The following NPHS2 variants were observed in gnomAD, a reference collection of about 807,000 sequenced individuals.
NPHS2 encodes NPHS2 stomatin family member, podocin.
NPHS2 carries 36 observed loss-of-function variants against 37.1 expected under a neutral mutation model. The observed-to-expected ratio is 0.97, with a 90% CI of 0.74 to 1.28. The LOEUF (loss-of-function observed/expected upper bound fraction) is 1.28. NPHS2 is among the 50% of genes most tolerant of loss of function. NPHS2 has a pLI of 0.00. For missense variants in NPHS2, 447 were observed against 488.1 expected (o/e 0.92, Z 0.79); for synonymous variants, 196 against 189.3 (o/e 1.04, Z -0.29).
At chr1:179,551,739 CAT>C in intron 7 of NPHS2, 1 of 415,698 alleles carries the variant, frequency 2.4e-6, no homozygotes, top group South Asian at 3.0e-5. Flanking sequence ...ATTTTGCCAA[CAT>C]AGAGAAAAGA....
At chr1:179,563,136 C>T (rs375562715) in intron 2 of NPHS2, among the ~76,000 whole-genome samples, 3 of 152,206 alleles carry the variant, frequency 2.0e-5, no homozygotes, top group South Asian at 4.1e-4. Flanking sequence ...AAAAGATATA[C>T]CATATGAACA....
intron 1 of NPHS2, among the ~76,000 whole-genome samples, chr1:179,567,268 A>T (rs111798783): frequency 1.3e-5 from 2 of 152,090 alleles, no homozygotes; most frequent in Non-Finnish European, 2.9e-5. Context: ...GTTCTCCTTG[A>T]GGAGGTCCTT....
intron 1 of NPHS2, among the ~76,000 whole-genome samples, chr1:179,573,177 A>C (rs1275483111): frequency 6.6e-6 from 1 of 152,174 alleles, no homozygotes; most frequent in Non-Finnish European, 1.5e-5. Context: ...ATAACTAATT[A>C]GTAGGCCTGA....
intron 1 of NPHS2, 108 bp from the exon 2 acceptor site, chr1:179,564,901 C>G (rs944291845): frequency 6.9e-6 from 6 of 874,124 alleles, no homozygotes; most frequent in African/African-American, 3.3e-5. Context: ...AACTTGGAGA[C>G]TTTGCTGGAA....
Position 179,575,799 on chromosome 1 carries a change from C to G in NPHS2, c.66G>C (p.Lys22Asn), listed in dbSNP as rs768283220. Residue 22 changes from lysine to asparagine, a missense_variant, in exon 1 of 8, where the codon AAG becomes AAC. Transcript: ENST00000367615. The part of the protein sequence containing the change: ...SRGRGGRTPH[K>N]ENKRAKAERS... ...TCTCGGCCTTTGCCCTCTTGTTCTC[C>G]TTGTGCGGAGTCCTGCCGCCTCGCC... The G allele has an allele frequency of 2.1e-5, 31 of 1,484,562 alleles. No homozygotes were observed. Among genetic ancestry groups the G allele is most frequent in the Non-Finnish European group, 1.9e-5 (21 of 1,123,278 alleles). 92.0% of individuals were successfully genotyped at this position (1,484,562 alleles called of 1,614,324 possible). A position where few individuals can be genotyped will look rare whatever the true frequency, so the allele number is the denominator to read the frequency against.
chr1:179,569,675 G>C (rs1022764080), intron 1 of NPHS2, among the ~76,000 whole-genome samples: 3 of 152,180 alleles, frequency 2.0e-5, no homozygotes, highest in Non-Finnish European at 2.9e-5. Flanking sequence ...TGCAGTGGCT[G>C]GTACTGGTTG....
At chr1:179,553,148 C>T (rs1012678581) in intron 6 of NPHS2, among the ~76,000 whole-genome samples, 1 of 152,198 alleles carries the variant, frequency 6.6e-6, no homozygotes, top group African/African-American at 2.4e-5. Flanking sequence ...ACAAAATTGT[C>T]TTTTGACCCT....
intron 1 of NPHS2, among the ~76,000 whole-genome samples, chr1:179,574,411 C>T (rs1674677912): frequency 6.6e-6 from 1 of 152,152 alleles, no homozygotes; most frequent in African/African-American, 2.4e-5. Context: ...CCAGTGTGTG[C>T]CTGGCATATA....
At chr1:179,555,685 A>C (rs1313209923) in intron 5 of NPHS2, among the ~76,000 whole-genome samples, 1 of 152,214 alleles carries the variant, frequency 6.6e-6, no homozygotes, top group Non-Finnish European at 1.5e-5. Context: ...TCGATGCAGA[A>C]GATACAGCCC....
intron 1 of NPHS2, among the ~76,000 whole-genome samples, chr1:179,568,999 A>T (rs1451526650): frequency 6.6e-6 from 1 of 152,096 alleles, no homozygotes; most frequent in Non-Finnish European, 1.5e-5. Context: ...AATAAATATG[A>T]TGTGGTGCTG....
Position 179,575,799 on chromosome 1 carries a change from C to T in NPHS2, c.66G>A (p.Lys22=). ...SRGRGGRTPH[K]ENKRAKAERS... ...TCTCGGCCTTTGCCCTCTTGTTCTC[C>T]TTGTGCGGAGTCCTGCCGCCTCGCC... The change falls in exon 1 of 8, where the codon AAG becomes AAA. Residue 22 remains lysine (K), a synonymous_variant. Transcript: ENST00000367615. 1 of 1,484,670 alleles carries T rather than the reference C, an allele frequency of 6.7e-7. No homozygotes were observed. Among genetic ancestry groups the T allele is most frequent in the South Asian group, 1.3e-5 (1 of 74,786 alleles). 92.0% of individuals were successfully genotyped at this position (1,484,670 alleles called of 1,614,324 possible). A position where few individuals can be genotyped will look rare whatever the true frequency, so the allele number is the denominator to read the frequency against.
rs1389381980 is a variant in NPHS2, at chr1:179,561,286, T to C, written c.451+3A>G. On this transcript the variant is annotated splice_donor_region_variant and intron_variant, in intron 3 of 7. Coordinates refer to ENST00000367615, the MANE Select transcript of NPHS2 (RefSeq NM_014625.4). ...GTTTAGAAAAAAAAGAGTGTTTTTT[T>C]ACCAGGGCCTTTGGCTCTTCCAGGA... The C allele has an allele frequency of 1.9e-6, 3 of 1,611,660 alleles. No homozygotes were observed. Among genetic ancestry groups the C allele is most frequent in the Middle Eastern group, 1.7e-4 (1 of 6,056 alleles).
chr1:179,559,940 G>A (rs887819869), intron 3 of NPHS2, among the ~76,000 whole-genome samples, 179 bp from the exon 4 acceptor site: 1 of 152,118 alleles, frequency 6.6e-6, no homozygotes, highest in Admixed American at 6.5e-5. Flanking sequence ...ATTATAATAT[G>A]TAATCCAGGA....
At chr1:179,564,924 G>A (rs1047598624) in intron 1 of NPHS2, 131 bp from the exon 2 acceptor site, 2 of 771,718 alleles carry the variant, frequency 2.6e-6, no homozygotes, top group Non-Finnish European at 2.2e-6. Context: ...ATTAGAATAA[G>A]TCAAATCAGA....
chr1:179,551,140 GC>G lies in NPHS2; in HGVS notation c.*32del. 6.2e-7 allele frequency: 1 copy of G among 1,612,808 alleles called. No homozygotes were observed. Among genetic ancestry groups the G allele is most frequent in the Non-Finnish European group, 8.5e-7 (1 of 1,179,714 alleles). The stretch of plus-strand genomic sequence containing the variant: ...CAGGCATGTGACTTTTCTATGGCAG[GC>G]CCCTTTACAGTCACATTATGCCCCA... On this transcript the variant is annotated 3_prime_UTR_variant, in exon 8 of 8. Coordinates refer to ENST00000367615, the MANE Select transcript of NPHS2 (RefSeq NM_014625.4).
At chr1:179,572,150 G>T (rs913488686) in intron 1 of NPHS2, among the ~76,000 whole-genome samples, 1 of 152,182 alleles carries the variant, frequency 6.6e-6, no homozygotes, top group African/African-American at 2.4e-5. Flanking sequence ...CTTCTGTGTC[G>T]ATCATGCTGG....
chr1:179,568,309 C>T (rs1674415055), intron 1 of NPHS2, among the ~76,000 whole-genome samples: 1 of 152,124 alleles, frequency 6.6e-6, no homozygotes, highest in African/African-American at 2.4e-5. Context: ...GGAATTTATC[C>T]ATTTCTTCTA....
At chr1:179,561,266 GAA>G (rs748179295) in intron 3 of NPHS2, 21 bp downstream of exon 3, 1 of 1,582,480 alleles carries the variant, frequency 6.3e-7, no homozygotes, top group Non-Finnish European at 8.7e-7. Flanking sequence ...GAGGTGTTTA[GAA>G]AAAAAAGAGT....
chr1:179,567,120 G>C (rs530410977), intron 1 of NPHS2, among the ~76,000 whole-genome samples: 2 of 152,324 alleles, frequency 1.3e-5, no homozygotes, highest in Non-Finnish European at 2.9e-5. Context: ...TTGGTAGCTT[G>C]ATGGGGATGG....
Sources: gnomAD v4.1 joint callset for allele counts (sites outside exome capture counted in the v4.1 genomes callset) on GRCh38, gnomAD v4.1.1 for gene constraint, MANE v1.5 for transcripts, NCBI Gene and HGNC (gene_info 2026-07-23, HGNC 2026-07-21) for gene names.